Variants in RALGPS1 observed in about 807,000 individuals in gnomAD.
RALGPS1 encodes ras-specific guanine nucleotide-releasing factor RalGPS1.
A neutral mutation model predicts 78.8 loss-of-function variants in RALGPS1; 19 were observed. That is an observed-to-expected ratio of 0.24 (90% CI 0.17 to 0.35). The LOEUF is 0.35. Ranked by LOEUF, RALGPS1 falls within the 10% of genes least tolerant of loss-of-function variation. The pLI is 1.00. For missense variants in RALGPS1, 454 were observed against 688.3 expected (o/e 0.66, Z 3.81); for synonymous variants, 228 against 256.3 (o/e 0.89, Z 1.06).
At chr9:127,107,308 C>A (rs186469217) in intron 8 of RALGPS1, among the ~76,000 whole-genome samples, 1 of 152,198 alleles carries the variant, frequency 6.6e-6, no homozygotes, top group African/African-American at 2.4e-5. Context: ...ATTCCTCCCC[C>A]ATAACGGTAT....
intron 8 of RALGPS1, among the ~76,000 whole-genome samples, chr9:127,097,194 G>A (rs953161790): frequency 1.3e-5 from 2 of 152,100 alleles, no homozygotes; most frequent in African/African-American, 2.4e-5. Context: ...TTTTTCTTCC[G>A]TATTTACCTT....
intron 4 of RALGPS1, among the ~76,000 whole-genome samples, chr9:127,000,206 T>G (rs1170264685): frequency 6.6e-6 from 1 of 152,174 alleles, no homozygotes; most frequent in Non-Finnish European, 1.5e-5. Flanking sequence ...GATCCATTGA[T>G]TTCAGTTCAT....
At chr9:127,009,205 C>T (rs1369136490) in intron 4 of RALGPS1, among the ~76,000 whole-genome samples, 1 of 152,222 alleles carries the variant, frequency 6.6e-6, no homozygotes, top group African/African-American at 2.4e-5. Context: ...ATAGGCATCC[C>T]TGTTTCTAAC....
intron 8 of RALGPS1, among the ~76,000 whole-genome samples, chr9:127,144,757 A>G (rs1243820521): frequency 6.6e-6 from 1 of 152,258 alleles, no homozygotes; most frequent in African/African-American, 2.4e-5. Flanking sequence ...AAGGTCTCAT[A>G]TTATATGATT....
At chr9:127,014,745 GC>G (rs1015669711) in intron 4 of RALGPS1, among the ~76,000 whole-genome samples, 2 of 152,040 alleles carry the variant, frequency 1.3e-5, no homozygotes, top group Admixed American at 6.5e-5. Flanking sequence ...CATCCTCTAG[GC>G]CCATCATTTT....
At chr9:126,988,131 C>T (rs543195440) in intron 4 of RALGPS1, among the ~76,000 whole-genome samples, 4 of 152,112 alleles carry the variant, frequency 2.6e-5, no homozygotes, top group Non-Finnish European at 5.9e-5. Flanking sequence ...CCAGGAAATA[C>T]AAGGACCAGT....
At chr9:126,932,332 C>G (rs1372631007) in intron 1 of RALGPS1, among the ~76,000 whole-genome samples, 1 of 152,180 alleles carries the variant, frequency 6.6e-6, no homozygotes, top group Non-Finnish European at 1.5e-5. Context: ...TTGACATCAT[C>G]TATCAAAGCT....
At chr9:127,066,345 C>T (rs773930364) in intron 7 of RALGPS1, among the ~76,000 whole-genome samples, 4 of 152,164 alleles carry the variant, frequency 2.6e-5, no homozygotes, top group African/African-American at 7.2e-5. Flanking sequence ...GGCTTAACAA[C>T]GGAGCAGTTC....
At chr9:126,921,253 G>A (rs901312936) in intron 1 of RALGPS1, among the ~76,000 whole-genome samples, 1 of 152,170 alleles carries the variant, frequency 6.6e-6, no homozygotes, top group Non-Finnish European at 1.5e-5. Flanking sequence ...GTCACCAAGC[G>A]CTCAAGGAGT....
intron 4 of RALGPS1, among the ~76,000 whole-genome samples, chr9:127,003,892 G>C (rs1386505678): frequency 6.6e-6 from 1 of 152,098 alleles, no homozygotes; most frequent in Non-Finnish European, 1.5e-5. Flanking sequence ...CAGCATCTCT[G>C]TCAGCACTTT....
intron 7 of RALGPS1, among the ~76,000 whole-genome samples, chr9:127,068,056 G>C (rs990414396): frequency 6.6e-6 from 1 of 152,168 alleles, no homozygotes; most frequent in Non-Finnish European, 1.5e-5. Context: ...ACATTGAGCC[G>C]CCATTTACAT....
intron 8 of RALGPS1, among the ~76,000 whole-genome samples, chr9:127,084,506 C>A (rs1311023040): frequency 6.6e-6 from 1 of 152,112 alleles, no homozygotes; most frequent in Non-Finnish European, 1.5e-5. Flanking sequence ...CTTGTGCTGT[C>A]AATGTGGGCC....
At chr9:127,061,848 C>T (rs896464683) in intron 7 of RALGPS1, among the ~76,000 whole-genome samples, 1 of 152,204 alleles carries the variant, frequency 6.6e-6, no homozygotes, top group Non-Finnish European at 1.5e-5. Context: ...CACCGCCAGA[C>T]CAGATCTGGA....
chr9:127,146,265 T>C (rs984309618), intron 8 of RALGPS1, among the ~76,000 whole-genome samples: 64 of 152,186 alleles, frequency 4.2e-4, no homozygotes, highest in African/African-American at 1.5e-3. Flanking sequence ...GTTGTTCCTG[T>C]GTTTATGTCC....
intron 14 of RALGPS1, among the ~76,000 whole-genome samples, chr9:127,204,435 T>C (rs1290485553): frequency 6.6e-6 from 1 of 152,162 alleles, no homozygotes; most frequent in Admixed American, 6.5e-5. Context: ...TGGAGACTTT[T>C]ATGAATTTCC....
intron 4 of RALGPS1, among the ~76,000 whole-genome samples, chr9:127,005,832 G>A (rs997985410): frequency 6.6e-6 from 1 of 152,174 alleles, no homozygotes; most frequent in Admixed American, 6.5e-5. Context: ...TGAAAAGTGG[G>A]CATTTTTAGC....
In RALGPS1 at chr9:127,013,886, T is replaced by TC. The variant is rs1302739991; in HGVS notation, c.217-20539dup. Among the ~76,000 whole-genome samples the TC allele has an allele frequency of 2.6e-5, 4 of 152,292 alleles. No homozygotes were observed. The South Asian group carries it at 8.3e-4, about 32-fold the overall frequency. ...TTCTGCTCTCTGCCTGGCATGCTAG[T>TC]CCCCCCACTTCAGCTAAGCCAGTCC... On this transcript the variant is annotated intron_variant, in intron 4 of 18. Coordinates refer to ENST00000259351, the MANE Select transcript of RALGPS1 (RefSeq NM_014636.3).
intron 11 of RALGPS1, among the ~76,000 whole-genome samples, chr9:127,188,577 A>G (rs1263582078): frequency 1.3e-5 from 2 of 152,110 alleles, no homozygotes; most frequent in Non-Finnish European, 2.9e-5. Flanking sequence ...TTATCTAGGC[A>G]GCTGTGCCAA....
intron 7 of RALGPS1, among the ~76,000 whole-genome samples, chr9:127,055,487 G>C (rs954698794): frequency 6.6e-6 from 1 of 152,190 alleles, no homozygotes; most frequent in Non-Finnish European, 1.5e-5. Context: ...CAAACTGTTA[G>C]GATTACAGGT....
Sources: allele counts gnomAD v4.1 joint callset (sites outside exome capture counted in the v4.1 genomes callset), GRCh38; gene constraint gnomAD v4.1.1; transcripts MANE v1.5; gene names NCBI Gene and HGNC (gene_info 2026-07-23, HGNC 2026-07-21).